Variants in MYO1C observed in about 807,000 individuals in gnomAD.
MYO1C encodes the protein unconventional myosin-Ic.
MYO1C carries 104 observed loss-of-function variants against 150.8 expected under a neutral mutation model. That is an observed-to-expected ratio of 0.69 (90% CI 0.59 to 0.81). The LOEUF (loss-of-function observed/expected upper bound fraction) is 0.81, where lower values mean the gene tolerates loss of function less well. Ranked by LOEUF, MYO1C falls within the 30% of genes least tolerant of loss-of-function variation. The pLI is 0.00. For missense variants in MYO1C, 1,504 were observed against 1,435.0 expected (o/e 1.05, Z -0.78); for synonymous variants, 663 against 579.9 (o/e 1.14, Z -2.06).
At chr17:1,467,752 C>T (rs2074207102) in intron 29 of MYO1C, 88 bp downstream of exon 29, 1 of 579,166 alleles carries the variant, frequency 1.7e-6, no homozygotes, top group Admixed American at 2.5e-5. Context: ...TCCCCATCCA[C>T]CCCCACACCC....
At position 1,480,777 on chromosome 17, in the gene MYO1C, C is replaced by G. The variant is rs764604910; in HGVS notation, c.736G>C (p.Gly246Arg). 3.7e-6 allele frequency: 6 copies of G among 1,614,188 alleles called. No individual in the cohort carries two copies. Among genetic ancestry groups the G allele is most frequent in the Non-Finnish European group, 5.1e-6 (6 of 1,180,030 alleles). ...NFHIFYQLLE[G>R]GEEETLRRLG... is the part of the protein sequence containing the mutation. ...CTGCGAAGAGTCTCCTCCTCGCCCCCCTCCAGCAGCTGGTAGAAGATGTGG... is the reference window on the plus strand; with the variant it reads ...CTGCGAAGAGTCTCCTCCTCGCCCCGCTCCAGCAGCTGGTAGAAGATGTGG... Residue 246 changes from glycine (G) to arginine (R), a missense_variant, in exon 6 of 32, where the codon GGG (glycine) becomes CGG (arginine). Gly to Arg is a moderately radical substitution (Grantham distance 125, BLOSUM62 -2). Transcript: ENST00000648651.
rs1265889557 is a variant in MYO1C at position 1,468,127 on chromosome 17, G to C, written c.2761-4C>G. The C allele has an allele frequency of 6.2e-7, 1 of 1,613,278 alleles. No homozygotes were observed. Among genetic ancestry groups the C allele is most frequent in the Non-Finnish European group, 8.5e-7 (1 of 1,180,004 alleles). ...ATTTCACAACAGGCACCGCATACTG[G>C]GGACAGAGGCCAGGCTGAAGGGGCT... On this transcript the variant is annotated splice_polypyrimidine_tract_variant and splice_region_variant and intron_variant, in intron 27 of 31. Coordinates refer to ENST00000648651, the MANE Select transcript of MYO1C (RefSeq NM_001080779.2).
At position 1,477,451 on chromosome 17, in the gene MYO1C, C is replaced by G; in HGVS notation, c.1574+54G>C. The G allele has an allele frequency of 2.0e-6, 3 of 1,533,632 alleles. No homozygotes were observed. The South Asian group carries it at 3.4e-5, about 17-fold the overall frequency. On this transcript the variant is annotated intron_variant, in intron 14 of 31. Coordinates refer to ENST00000648651, the MANE Select transcript of MYO1C (RefSeq NM_001080779.2). Reference sequence around the variant, plus strand: ...ATGGCGGAGGGACTCCTGCACTCCGCAGGCTCTGCTGCAAGTGAGCCCTTG... The same window carrying G: ...ATGGCGGAGGGACTCCTGCACTCCGGAGGCTCTGCTGCAAGTGAGCCCTTG...
intron 22 of MYO1C, 51 bp from the exon 23 acceptor site, chr17:1,470,570 C>A (rs375037565): frequency 5.1e-5 from 80 of 1,576,368 alleles, no homozygotes; most frequent in Middle Eastern, 1.7e-4. Context: ...CCATGGTGGC[C>A]CCCCCTGGCC....
chr17:1,470,326 C>T lies in MYO1C; in HGVS notation c.2375G>A (p.Arg792Gln), dbSNP rs752658541. The T allele has an allele frequency of 6.9e-5, 98 of 1,420,544 alleles. 1 individual carries two copies. The Middle Eastern group carries it at 1.0e-3, about 15-fold the overall frequency. The allele number at this position is 1,420,544 out of a possible 1,614,324, so 88.0% of individuals were successfully genotyped here. ...GGGGGCGTGGCGCAGGACGAAGCCT[C>T]GGATGAGCCTGGGGTGGGGGGCCAG... ...WAAQTIRRLI[R>Q]GFVLRHAPRC... The change falls in exon 24 of 32, where the codon CGA (arginine) becomes CAA (glutamine). Residue 792 changes from arginine (R) to glutamine (Q), a missense_variant. Arg to Gln is a conservative substitution (Grantham distance 43). Transcript: ENST00000648651.
chr17:1,468,646 C>A, intron 25 of MYO1C, 150 bp from the exon 26 acceptor site: 1 of 670,832 alleles, frequency 1.5e-6, no homozygotes, highest in Non-Finnish European at 2.7e-6. Context: ...CTGCCCCCCA[C>A]ACGCCCATCA....
intron 1 of MYO1C, chr17:1,484,872 T>TTCCCCCCCCCCC: frequency 1.2e-5 from 4 of 341,198 alleles, no homozygotes; most frequent in East Asian, 9.1e-5. Context: ...GGGCCGTCTC[T>TTCCCCCCCCCCC]CCCACCCAGA....
intron 17 of MYO1C, 29 bp downstream of exon 17, chr17:1,474,581 C>A: frequency 6.2e-7 from 1 of 1,606,464 alleles, no homozygotes. Flanking sequence ...GCGCATGCAC[C>A]CCTGCGCCCG....
In MYO1C at chr17:1,479,945, A is replaced by C. The variant is rs1316655072; in HGVS notation, c.907-240T>G. On this transcript the variant is annotated intron_variant, in intron 7 of 31. Transcript: ENST00000648651. The surrounding 1 kb of genome is among the most constrained non-coding windows in gnomAD (Gnocchi z 4.2). The stretch of plus-strand genomic sequence containing the variant: ...AGGATCATCTGAGGTCAGGAGTTCG[A>C]GACCAGCCCAGCCAACATGGCAAAA... 2.0e-5 allele frequency among the ~76,000 whole-genome samples: 3 copies of C among 151,868 alleles called. No individual in the cohort carries two copies. Among genetic ancestry groups the C allele is most frequent in the Non-Finnish European group, 4.4e-5 (3 of 67,996 alleles).
intron 20 of MYO1C, 26 bp from the exon 21 acceptor site, chr17:1,471,173 G>A (rs375623639): frequency 3.7e-5 from 60 of 1,613,782 alleles, no homozygotes; most frequent in African/African-American, 5.3e-5. Flanking sequence ...TGATCAGCCC[G>A]GGGTTGCCAC....
In MYO1C at chr17:1,471,162, G is replaced by T; in HGVS notation, c.2136-15C>A. ...AGATCTTGGTCCTGGGAGAGCAGTAGTGATCAGCCCGGGGTTGCCACTCCC... is the reference window on the plus strand; with the variant it reads ...AGATCTTGGTCCTGGGAGAGCAGTATTGATCAGCCCGGGGTTGCCACTCCC... On this transcript the variant is annotated splice_polypyrimidine_tract_variant and intron_variant, in intron 20 of 31. Transcript: ENST00000648651. 6.2e-7 allele frequency: 1 copy of T among 1,614,066 alleles called. No homozygotes were observed.
At position 1,467,911 on chromosome 17, in the gene MYO1C, C is replaced by T; in HGVS notation, c.2897-1G>A. The T allele has an allele frequency of 6.2e-7, 1 of 1,612,396 alleles. No individual in the cohort carries two copies. The highest frequency in any genetic ancestry group is 8.5e-7 in the Non-Finnish European group (1 of 1,179,726). On this transcript the variant is annotated splice_acceptor_variant, in intron 28 of 31. Transcript: ENST00000648651. LOFTEE classifies it high-confidence loss of function. Reference sequence around the variant, plus strand: ...TCGCTCAGGCTGCTGACAGAGATTCCTGAGGGGAGAGGGCAAAGGTCAGAG... The same window carrying T: ...TCGCTCAGGCTGCTGACAGAGATTCTTGAGGGGAGAGGGCAAAGGTCAGAG...
intron 1 of MYO1C, 184 bp from the exon 2 acceptor site, chr17:1,484,487 G>A (rs536410373): frequency 2.6e-5 from 18 of 694,646 alleles, no homozygotes; most frequent in African/African-American, 1.4e-4. Context: ...GGCCGGGTGC[G>A]GAAAGCCGGG....
chr17:1,485,420 G>C (rs2074631950), intron 1 of MYO1C: 1 of 950,882 alleles, frequency 1.1e-6, no homozygotes, highest in African/African-American at 1.8e-5. Flanking sequence ...GCGCCGAAGC[G>C]GCTGCCAAAT....
chr17:1,466,874 A>G (rs1160473704), intron 31 of MYO1C, among the ~76,000 whole-genome samples: 1 of 148,130 alleles, frequency 6.8e-6, no homozygotes, highest in African/African-American at 2.5e-5. Flanking sequence ...TGATCCACAC[A>G]CCTCGGCCTC....
intron 3 of MYO1C, 109 bp downstream of exon 3, chr17:1,483,500 AC>A: frequency 1.3e-6 from 1 of 795,136 alleles, no homozygotes; most frequent in East Asian, 2.7e-5. Flanking sequence ...GGGATTCCTC[AC>A]AGATGTGGCG....
intron 2 of MYO1C, 38 bp downstream of exon 2, chr17:1,484,110 A>G: frequency 6.2e-7 from 1 of 1,609,130 alleles, no homozygotes; most frequent in Non-Finnish European, 8.5e-7. Context: ...TGTGTCTGTG[A>G]CCCCAGCACC....
intron 18 of MYO1C, 28 bp from the exon 19 acceptor site, chr17:1,472,052 CGG>C: frequency 6.2e-7 from 1 of 1,610,972 alleles, no homozygotes; most frequent in East Asian, 2.2e-5. Context: ...CCGTGGTCAG[CGG>C]GCTGGCGCTG....
At position 1,482,539 on chromosome 17, in the gene MYO1C, G is replaced by A. The variant is rs1489778615; in HGVS notation, c.566C>T (p.Thr189Ile). The change falls in exon 5 of 32, where the codon ACC becomes ATC. Residue 189 changes from threonine (T) to isoleucine (I), a missense_variant. Thr to Ile is a moderately conservative substitution (Grantham distance 89). Coordinates refer to ENST00000648651, the MANE Select transcript of MYO1C (RefSeq NM_001080779.2). ...CCTGCTGGAGTTATCGTTCCGGAGGGTCTTGGCATTTCCAAAGGCCTAGGA... is the reference window on the plus strand; with the variant it reads ...CCTGCTGGAGTTATCGTTCCGGAGGATCTTGGCATTTCCAAAGGCCTAGGA... ...PVLEAFGNAK[T>I]LRNDNSSRFG... 3.1e-6 allele frequency: 5 copies of A among 1,614,008 alleles called. No individual in the cohort carries two copies. The highest frequency in any genetic ancestry group is 4.2e-6 in the Non-Finnish European group (5 of 1,179,960).
Sources: gnomAD v4.1 joint callset for allele counts (sites outside exome capture counted in the v4.1 genomes callset) on GRCh38, gnomAD v4.1.1 for gene constraint, Gnocchi (gnomAD v3.1) non-coding constraint, MANE v1.5 for transcripts, NCBI Gene and HGNC (gene_info 2026-07-23, HGNC 2026-07-21) for gene names.